The following PRRG1 variants were observed in gnomAD, a reference collection of about 807,000 sequenced individuals.
The protein encoded by PRRG1 is transmembrane gamma-carboxyglutamic acid protein 1.
PRRG1 carries 5 observed loss-of-function variants against 11.8 expected under a neutral mutation model. That is an observed-to-expected ratio of 0.42 (90% CI 0.22 to 0.89). The LOEUF is 0.89. Among genes scored for constraint, PRRG1 ranks in the 40% least tolerant of loss-of-function variants. The pLI is 0.28. For missense variants in PRRG1, 155 were observed against 166.1 expected, an observed-to-expected ratio of 0.93 and a Z score of 0.37; for synonymous variants, 66 against 60.4, an observed-to-expected ratio of 1.09 and a Z score of -0.43.
At chrX:37,452,610 G>C (rs1921185723) in intron 3 of PRRG1, among the ~76,000 whole-genome samples, 1 of 111,526 alleles carries the variant, frequency 9.0e-6, no homozygotes. Flanking sequence ...GGGTTGGAGA[G>C]GGAGCTGAGG....
At chrX:37,430,603 T>G (rs1430549693) in intron 3 of PRRG1, among the ~76,000 whole-genome samples, 1 of 111,872 alleles carries the variant, frequency 8.9e-6, no homozygotes, top group Admixed American at 9.4e-5. Flanking sequence ...TTATATTCAT[T>G]CATGCATGCA....
intron 3 of PRRG1, among the ~76,000 whole-genome samples, chrX:37,438,644 C>T (rs1932922411): frequency 9.1e-6 from 1 of 110,473 alleles, no homozygotes; most frequent in Non-Finnish European, 1.9e-5. Context: ...ACAATGTTGG[C>T]CAAGCTGGTC....
Position 37,383,982 on chromosome X carries a change from A to G in PRRG1, c.-41-22227A>G, listed in dbSNP as rs547740785. On this transcript the variant is annotated intron_variant, in intron 1 of 3. Transcript: ENST00000378628. The stretch of plus-strand genomic sequence containing the variant: ...AAATTTAATCGGTAAACTAAAAATA[A>G]GCACCTAATGCCATAGTGCATTCTG... Among the ~76,000 whole-genome samples the G allele has an allele frequency of 5.6e-4, 62 of 110,330 alleles. No individual in the cohort carries two copies. The South Asian group carries it at 0.022, about 39-fold the overall frequency.
chrX:37,412,716 G>A (rs977529104), intron 2 of PRRG1, among the ~76,000 whole-genome samples: 19 of 109,692 alleles, frequency 1.7e-4, no homozygotes, highest in South Asian at 3.8e-4. Context: ...AAGAACTAAC[G>A]GAGAGGTTAC....
intron 3 of PRRG1, chrX:37,441,462 C>T (rs1455286827): frequency 2.7e-6 from 2 of 753,511 alleles, no homozygotes; most frequent in Admixed American, 8.7e-5. Flanking sequence ...CATCCGCCTT[C>T]AGCCAGCTAC....
At chrX:37,441,712 A>G (rs1213789794) in intron 3 of PRRG1, 9 of 792,254 alleles carry the variant, frequency 1.1e-5, no homozygotes, top group Non-Finnish European at 1.4e-5. Context: ...GCACAAGAAG[A>G]GGGAGCACGT....
At chrX:37,447,066 T>C (rs782510852) in intron 3 of PRRG1, among the ~76,000 whole-genome samples, 1 of 111,757 alleles carries the variant, frequency 8.9e-6, no homozygotes, top group African/African-American at 3.2e-5. Context: ...CATAAAATAA[T>C]TGTATTAAAT....
At chrX:37,357,918 C>T (rs781844826) in intron 1 of PRRG1, among the ~76,000 whole-genome samples, 1 of 112,343 alleles carries the variant, frequency 8.9e-6, no homozygotes, top group African/African-American at 3.2e-5. Flanking sequence ...TTGGTGTTGT[C>T]AGTGTTCTGT....
chrX:37,380,320 G>T (rs1350587181), intron 1 of PRRG1, among the ~76,000 whole-genome samples: 1 of 111,730 alleles, frequency 9.0e-6, no homozygotes, highest in African/African-American at 3.2e-5. Flanking sequence ...GCAAAAATGG[G>T]CATTTTAATA....
At chrX:37,447,077 A>G (rs1296664594) in intron 3 of PRRG1, among the ~76,000 whole-genome samples, 2 of 112,055 alleles carry the variant, frequency 1.8e-5, no homozygotes, top group African/African-American at 6.5e-5. Flanking sequence ...TGTATTAAAT[A>G]TAACAAAACA....
chrX:37,355,726 C>G (rs977760643), intron 1 of PRRG1, among the ~76,000 whole-genome samples: 4 of 111,973 alleles, frequency 3.6e-5, no homozygotes, highest in African/African-American at 1.3e-4. Context: ...TTTGTTTGCA[C>G]ACTACTGTTC....
In PRRG1 at chrX:37,399,178, G is replaced by A. The variant is rs1414625966; in HGVS notation, c.-41-7031G>A. On this transcript the variant is annotated intron_variant, in intron 1 of 3. Transcript: ENST00000378628. ...AAGAGCAACTCCAAGACACATAATTGTCAGATTCATCAAAGTTGAAATGAA... is the reference window on the plus strand; with the variant it reads ...AAGAGCAACTCCAAGACACATAATTATCAGATTCATCAAAGTTGAAATGAA... Among the ~76,000 whole-genome samples, 11 of 111,047 alleles carry A rather than the reference G, an allele frequency of 9.9e-5. No individual in the cohort carries two copies. In the South Asian group the frequency reaches 3.1e-3, roughly 31 times the overall value.
Position 37,383,288 on chromosome X carries a change from AT to A in PRRG1, c.-41-22916del, listed in dbSNP as rs782346355. On this transcript the variant is annotated intron_variant, in intron 1 of 3. Transcript: ENST00000378628. The stretch of plus-strand genomic sequence containing the variant: ...TGTTGAGACAAATTTCCTTTGAATA[AT>A]TTTTAATGATATTTATAGAACATGG... Among the ~76,000 whole-genome samples the A allele has an allele frequency of 6.0e-3, 674 of 112,042 alleles. 3 individuals are homozygous for A. Among genetic ancestry groups the A allele is most frequent in the Middle Eastern group, 0.037 (8 of 219 alleles).
chrX:37,369,176 T>C (rs1312308953), intron 1 of PRRG1, among the ~76,000 whole-genome samples: 2 of 112,525 alleles, frequency 1.8e-5, no homozygotes, highest in Non-Finnish European at 3.8e-5. Flanking sequence ...TCATTTCTCT[T>C]CTATGTAAAT....
At chrX:37,392,878 C>G (rs958256598) in intron 1 of PRRG1, among the ~76,000 whole-genome samples, 3 of 111,477 alleles carry the variant, frequency 2.7e-5, no homozygotes, top group Non-Finnish European at 5.6e-5. Flanking sequence ...ACTATTTCTT[C>G]CCTCTAGATT....
chrX:37,402,601 A>C (rs1200657173), intron 1 of PRRG1, among the ~76,000 whole-genome samples: 1 of 111,973 alleles, frequency 8.9e-6, no homozygotes, highest in Non-Finnish European at 1.9e-5. Flanking sequence ...AAACACCAAA[A>C]GCAATGGCAA....
At chrX:37,384,436 C>T (rs1931256570) in intron 1 of PRRG1, among the ~76,000 whole-genome samples, 1 of 111,527 alleles carries the variant, frequency 9.0e-6, no homozygotes, top group African/African-American at 3.3e-5. Flanking sequence ...TCATTTCTAC[C>T]TTAAGGATTC....
chrX:37,419,628 T>A (rs1414805788), intron 2 of PRRG1, among the ~76,000 whole-genome samples: 1 of 111,527 alleles, frequency 9.0e-6, no homozygotes, highest in African/African-American at 3.3e-5. Context: ...CCATTTTTAG[T>A]TGCACAGGAC....
rs367657108 is a variant in PRRG1 at position 37,372,879 on chromosome X, G to A, written c.-42+23484G>A. On this transcript the variant is annotated intron_variant, in intron 1 of 3. Coordinates refer to ENST00000378628, the MANE Select transcript of PRRG1 (RefSeq NM_001142395.2). ...TCAAAAAACTATTGCCCAGACCAAT[G>A]TCGTGGACCTTTTCCGTTATGTTTT... is the stretch of plus-strand genomic sequence containing the variant. 9.8e-5 allele frequency among the ~76,000 whole-genome samples: 11 copies of A among 112,484 alleles called. No homozygotes were observed. The East Asian group carries it at 2.2e-3, about 23-fold the overall frequency.
Sources: gnomAD v4.1 joint callset for allele counts (sites outside exome capture counted in the v4.1 genomes callset) on GRCh38, gnomAD v4.1.1 for gene constraint, MANE v1.5 for transcripts, NCBI Gene and HGNC (gene_info 2026-07-23, HGNC 2026-07-21) for gene names.